AP1M1: variants seen among roughly 807,000 people sequenced by gnomAD.
The protein encoded by AP1M1 is AP-1 complex subunit mu-1.
Under a neutral mutation model 57.1 loss-of-function variants are expected in AP1M1, and 18 were observed. That is an observed-to-expected ratio of 0.32 (90% CI 0.22 to 0.47). AP1M1 has a LOEUF of 0.47. AP1M1 is among the 20% of genes least tolerant of loss of function. The pLI, the probability that AP1M1 is intolerant of heterozygous loss-of-function variation, is 1.00. For synonymous variants in AP1M1, 241 were observed against 237.9 expected (o/e 1.01, Z -0.12); for missense variants, 362 against 593.5 (o/e 0.61, Z 4.05).
chr19:16,224,347 T>C (rs776072755), intron 5 of AP1M1, among the ~76,000 whole-genome samples: 28 of 152,206 alleles, frequency 1.8e-4, no homozygotes, highest in Non-Finnish European at 3.8e-4. Context: ...CCCGCCACAG[T>C]GCGCTGCTGC....
At chr19:16,230,515 C>T (rs769095969) in intron 9 of AP1M1, among the ~76,000 whole-genome samples, 3 of 151,934 alleles carry the variant, frequency 2.0e-5, no homozygotes, top group African/African-American at 4.8e-5. Flanking sequence ...ATTCTCCTGC[C>T]TCAGCGTCCT....
Position 16,234,975 on chromosome 19 carries a change from T to C in AP1M1, c.*540T>C, listed in dbSNP as rs2091618881. 6.4e-6 allele frequency: 1 copy of C among 156,650 alleles called. No individual in the cohort carries two copies. Among genetic ancestry groups the C allele is most frequent in the African/African-American group, 2.4e-5 (1 of 41,484 alleles). The allele number at this position is 156,650 out of a possible 1,614,324, so 9.7% of individuals were successfully genotyped here. On this transcript the variant is annotated 3_prime_UTR_variant, in exon 12 of 12. Transcript: ENST00000291439. ...CCTACGGCACTCAGGAAGCACTTGG[T>C]GAGGACGAGCCCTCACCCTTCTTGT...
chr19:16,213,389 C>G (rs1314523889), intron 5 of AP1M1, among the ~76,000 whole-genome samples: 1 of 152,118 alleles, frequency 6.6e-6, no homozygotes, highest in Non-Finnish European at 1.5e-5. Context: ...TCTGTTTTGT[C>G]TGAAATTAAG....
In AP1M1 at chr19:16,209,126, G is replaced by T; in HGVS notation, c.495G>T (p.Lys165Asn). Residue 165 changes from lysine to asparagine, a missense_variant, in exon 5 of 12, where the codon AAG becomes AAT. Transcript: ENST00000291439. ...TGTCCTGGCGGTCCGAAGGCATCAA[G>T]TATCGGAAGAATGAGGTGTTCTTGG... The part of the protein sequence containing the change: ...NAVSWRSEGI[K>N]YRKNEVFLDV... 6.2e-7 allele frequency: 1 copy of T among 1,614,252 alleles called. No individual in the cohort carries two copies. The highest frequency in any genetic ancestry group is 1.1e-5 in the South Asian group (1 of 91,086).
At position 16,203,996 on chromosome 19, in the gene AP1M1, G is replaced by A. The variant is rs2043715589; in HGVS notation, c.199+381G>A. Among the ~76,000 whole-genome samples the A allele has an allele frequency of 1.3e-5, 2 of 152,194 alleles. No individual in the cohort carries two copies. The highest frequency in any genetic ancestry group is 2.1e-4 in the South Asian group (1 of 4,828). ...TGCACTCGGGGTGGCTGGAGAGGGG[G>A]CGTGTAGGGCAGCGAGGCTGGAGTG... On this transcript the variant is annotated intron_variant, in intron 2 of 11. Coordinates refer to ENST00000291439, the MANE Select transcript of AP1M1 (RefSeq NM_032493.4). The surrounding 1 kb of genome is among the most constrained non-coding windows in gnomAD (Gnocchi z 4.6).
chr19:16,226,191 G>T (rs891543628), intron 5 of AP1M1, among the ~76,000 whole-genome samples: 1 of 152,190 alleles, frequency 6.6e-6, no homozygotes, highest in African/African-American at 2.4e-5. Flanking sequence ...CGGCATGAAG[G>T]CTGGAGGGGT....
rs913909934 is a variant in AP1M1 at position 16,242,485 on chromosome 19, C to T, written c.*8050C>T. The T allele has an allele frequency of 1.3e-5, 2 of 152,146 alleles. No homozygotes were observed. Among genetic ancestry groups the T allele is most frequent in the Non-Finnish European group, 2.9e-5 (2 of 68,026 alleles). The allele number at this position is 152,146 out of a possible 1,614,324, so 9.4% of individuals were successfully genotyped here. ...TAGAAATAAATCCAGATATTAGGAA[C>T]CACAACAGGTGTAAATGAAGCAAAG... On this transcript the variant is annotated 3_prime_UTR_variant, in exon 12 of 12. Transcript: ENST00000291439.
Position 16,208,055 on chromosome 19 carries a change from A to G in AP1M1, c.304A>G (p.Ser102Gly). The G allele has an allele frequency of 6.2e-7, 1 of 1,613,306 alleles. No individual in the cohort carries two copies. Among genetic ancestry groups the G allele is most frequent in the Non-Finnish European group, 8.5e-7 (1 of 1,179,772 alleles). ...GTACTTCAAGGAGCTGGAGGAGGAGAGCATCCGGGACAACTTTGTTATCAT... is the reference window on the plus strand; with the variant it reads ...GTACTTCAAGGAGCTGGAGGAGGAGGGCATCCGGGACAACTTTGTTATCAT... ...SEYFKELEEE[S>G]IRDNFVIIYE... Residue 102 changes from serine (S) to glycine (G), a missense_variant, in exon 4 of 12, where the codon AGC becomes GGC. Ser to Gly is a moderately conservative substitution (Grantham distance 56, BLOSUM62 0). This residue lies in a region of AP1M1 where 337 missense variants were observed against 511.1 expected (regional missense o/e 0.66). Coordinates refer to ENST00000291439, the MANE Select transcript of AP1M1 (RefSeq NM_032493.4).
intron 9 of AP1M1, among the ~76,000 whole-genome samples, chr19:16,232,497 T>C (rs1041468269): frequency 6.6e-6 from 1 of 152,244 alleles, no homozygotes; most frequent in African/African-American, 2.4e-5. Flanking sequence ...CACAGGCTAG[T>C]CACCGAGCGG....
intron 5 of AP1M1, among the ~76,000 whole-genome samples, chr19:16,211,201 C>T (rs1309808018): frequency 6.6e-6 from 1 of 151,524 alleles, no homozygotes; most frequent in African/African-American, 2.4e-5. Flanking sequence ...TCAAGTGCTT[C>T]TCCAGCCTCA....
intron 5 of AP1M1, among the ~76,000 whole-genome samples, chr19:16,214,356 CTT>C (rs36058142): frequency 7.6e-6 from 1 of 131,958 alleles, no homozygotes; most frequent in Non-Finnish European, 1.6e-5. Context: ...TGCACCCGGC[CTT>C]TTTTTTTTTT....
Position 16,228,164 on chromosome 19 carries a change from G to A in AP1M1, c.844G>A (p.Val282Met). ...CAAGCCTTTGATATGGATCGAGTCG[G>A]TGATCGAGAAGCACTCCCACAGCCG... ...HVKPLIWIESVIEKHSHSRIE... is the reference protein window; with the variant it reads ...HVKPLIWIESMIEKHSHSRIE... Residue 282 changes from valine to methionine, a missense_variant, in exon 8 of 12, where the codon GTG becomes ATG. Physicochemically the swap from Val to Met is conservative, Grantham distance 21. Around this residue, in one of 2 missense-constraint regions of AP1M1, gnomAD observed 337 missense variants for 511.1 expected, o/e 0.66. Coordinates refer to ENST00000291439, the MANE Select transcript of AP1M1 (RefSeq NM_032493.4). The surrounding 1 kb of genome is among the most constrained non-coding windows in gnomAD (Gnocchi z 5.0). 1 of 1,613,852 alleles carries A rather than the reference G, an allele frequency of 6.2e-7. No homozygotes were observed. The highest frequency in any genetic ancestry group is 1.6e-4 in the Middle Eastern group (1 of 6,062).
In AP1M1 at chr19:16,239,239, C is replaced by CCTTTTTTTTTT. The variant is rs2091636479; in HGVS notation, c.*4804_*4805insCTTTTTTTTTT. ...TGAGCCACCGCGCCCGGCCAGTTCTCTTTTTTTTTTTTTTTTTTTTTTTTT... is the reference window on the plus strand; with the variant it reads ...TGAGCCACCGCGCCCGGCCAGTTCTCCTTTTTTTTTTTTTTTTTTTTTTTTTTTTTTTTTTT... On this transcript the variant is annotated 3_prime_UTR_variant, in exon 12 of 12. Transcript: ENST00000291439. 2.5e-5 allele frequency: 1 copy of CCTTTTTTTTTT among 39,232 alleles called. No individual in the cohort carries two copies. Among genetic ancestry groups the CCTTTTTTTTTT allele is most frequent in the African/African-American group, 8.9e-5 (1 of 11,246 alleles). 2.4% of individuals were successfully genotyped at this position (39,232 alleles called of 1,614,324 possible). A position where few individuals can be genotyped will look rare whatever the true frequency, so the allele number is the denominator to read the frequency against.
At chr19:16,234,153 A>G (rs2091612245) in intron 10 of AP1M1, 46 bp from the exon 11 acceptor site, 2 of 1,568,578 alleles carry the variant, frequency 1.3e-6, no homozygotes, top group South Asian at 2.4e-5. Flanking sequence ...GGGGACCAAC[A>G]GGGCGGGAGC....
At position 16,207,372 on chromosome 19, in the gene AP1M1, G is replaced by T. The variant is rs552892424; in HGVS notation, c.268-647G>T. Reference sequence around the variant, plus strand: ...GACCGGTGATGCTGTCACAGGCAGGGCTGGGCCTGGCTGTGCTGCCTGTGG... The same window carrying T: ...GACCGGTGATGCTGTCACAGGCAGGTCTGGGCCTGGCTGTGCTGCCTGTGG... On this transcript the variant is annotated intron_variant, in intron 3 of 11. Coordinates refer to ENST00000291439, the MANE Select transcript of AP1M1 (RefSeq NM_032493.4). The surrounding 1 kb of genome is among the most constrained non-coding windows in gnomAD (Gnocchi z 4.2). 5.3e-5 allele frequency among the ~76,000 whole-genome samples: 8 copies of T among 152,188 alleles called. No individual in the cohort carries two copies. Among genetic ancestry groups the T allele is most frequent in the African/African-American group, 1.7e-4 (7 of 41,518 alleles).
chr19:16,219,981 G>T (rs1412069398), intron 5 of AP1M1, among the ~76,000 whole-genome samples: 2 of 149,380 alleles, frequency 1.3e-5, no homozygotes, highest in Non-Finnish European at 3.0e-5. Context: ...GAGATTTTTG[G>T]ATCTACACTC....
intron 5 of AP1M1, among the ~76,000 whole-genome samples, chr19:16,213,301 T>C (rs529490731): frequency 6.6e-6 from 1 of 152,354 alleles, no homozygotes; most frequent in East Asian, 1.9e-4. Context: ...TTTAGGTTAG[T>C]TAGATCTTGT....
intron 5 of AP1M1, chr19:16,210,516 C>T (rs1474127259): frequency 1.5e-6 from 1 of 653,684 alleles, no homozygotes; most frequent in Non-Finnish European, 2.8e-6. Flanking sequence ...TTTTTGTCAT[C>T]CTAATAGGTA....
chr19:16,214,149 A>G (rs1323200808), intron 5 of AP1M1, among the ~76,000 whole-genome samples: 1 of 150,336 alleles, frequency 6.7e-6, no homozygotes, highest in Non-Finnish European at 1.5e-5. Context: ...CCCAGGTTCA[A>G]GTGATTCTCC....
Sources: allele counts gnomAD v4.1 joint callset (sites outside exome capture counted in the v4.1 genomes callset), GRCh38; gene constraint gnomAD v4.1.1; regional missense constraint gnomAD v4.1.1; non-coding constraint Gnocchi (gnomAD v3.1); transcripts MANE v1.5; gene names NCBI Gene and HGNC (gene_info 2026-07-23, HGNC 2026-07-21).